CHGB: variants seen among roughly 807,000 people sequenced by gnomAD.
CHGB encodes chromogranin B.
Under a neutral mutation model 69.9 loss-of-function variants are expected in CHGB, and 46 were observed. The observed-to-expected ratio is 0.66, with a 90% CI of 0.52 to 0.84. CHGB has a LOEUF of 0.84. Among genes scored for constraint, CHGB ranks in the 40% least tolerant of loss-of-function variants. The pLI is 0.00. For synonymous variants in CHGB, 312 were observed against 298.2 expected, an observed-to-expected ratio of 1.05 and a Z score of -0.48; for missense variants, 796 against 822.2, an observed-to-expected ratio of 0.97 and a Z score of 0.39.
chr20:5,917,980 C>CAAAAAA (rs34483659), intron 3 of CHGB: 1 of 114,260 alleles, frequency 8.8e-6, no homozygotes, highest in African/African-American at 3.2e-5. Flanking sequence ...ACTAAAAATA[C>CAAAAAA]AAAAAAAAAA....
chr20:5,916,410 T>A, intron 2 of CHGB, 38 bp downstream of exon 2: 1 of 1,531,518 alleles, frequency 6.5e-7, no homozygotes, highest in Non-Finnish European at 9.0e-7. Context: ...TAGACTTGTG[T>A]CTAGACTCTA....
chr20:5,914,792 G>A (rs1180576786), intron 1 of CHGB: 1 of 152,204 alleles, frequency 6.6e-6, no homozygotes, highest in Non-Finnish European at 1.5e-5. Flanking sequence ...GGAACTTGGG[G>A]TCTTCATAGC....
At chr20:5,917,836 ACC>A (rs1481693004) in intron 3 of CHGB, 1 of 147,750 alleles carries the variant, frequency 6.8e-6, no homozygotes, top group African/African-American at 2.7e-5. Context: ...TTATTTTTTC[ACC>A]TTTAAAAATC....
In CHGB at chr20:5,923,031, G is replaced by C. The variant is rs267606032; in HGVS notation, c.887G>C (p.Gly296Ala). 6.2e-7 allele frequency: 1 copy of C among 1,613,340 alleles called. No homozygotes were observed. The change falls in exon 4 of 5, where the codon GGA (glycine) becomes GCA (alanine). Residue 296 changes from glycine (G) to alanine (A), a missense_variant. Physicochemically the swap from Gly to Ala is moderately conservative, Grantham distance 60 (BLOSUM62 0). This residue lies in a region of CHGB where 518 missense variants were observed against 506.3 expected (regional missense o/e 1.02). Coordinates refer to ENST00000378961, the MANE Select transcript of CHGB (RefSeq NM_001819.3). Reference sequence around the variant, plus strand: ...AGCAGGCCCGACAGGTCCTCTCAAGGAGGGAGTCTTCCCTCTGAGGAAAAG... The same window carrying C: ...AGCAGGCCCGACAGGTCCTCTCAAGCAGGGAGTCTTCCCTCTGAGGAAAAG... ...GRSRPDRSSQ[G>A]GSLPSEEKGH...
rs527981035 is a variant in CHGB, at chr20:5,915,906, G to C, written c.50-420G>C. ...TTTTTTGTAGTTTTAGTAGAGACAG[G>C]GTTTTGTCATGTTAGCCAGGTTGGT... On this transcript the variant is annotated intron_variant, in intron 1 of 4. Transcript: ENST00000378961. 22 of 154,152 alleles carry C rather than the reference G, an allele frequency of 1.4e-4. No individual in the cohort carries two copies. In the South Asian group the frequency reaches 4.2e-3, roughly 30 times the overall value. 9.5% of individuals were successfully genotyped at this position (154,152 alleles called of 1,614,324 possible). A position where few individuals can be genotyped will look rare whatever the true frequency, so the allele number is the denominator to read the frequency against.
rs753606170 is a variant in CHGB, at chr20:5,922,636, T to TGAG, written c.506_508dup (p.Glu169dup). The TGAG allele has an allele frequency of 2.5e-6, 4 of 1,612,640 alleles. No homozygotes were observed. The highest frequency in any genetic ancestry group is 2.2e-5 in the East Asian group (1 of 44,812). On this transcript the variant is annotated inframe_insertion, in exon 4 of 5. Transcript: ENST00000378961. ...ATTCTGAGAAGAGCCAGAGAGAGGA[T>TGAG]GAGGAGGAGGAGGAGGGAGAGAACT...
At position 5,923,636 on chromosome 20, in the gene CHGB, G is replaced by C; in HGVS notation, c.1492G>C (p.Glu498Gln). Residue 498 changes from glutamate (E) to glutamine (Q), a missense_variant, in exon 4 of 5, where the codon GAA becomes CAA. Transcript: ENST00000378961. The stretch of plus-strand genomic sequence containing the variant: ...GCAGGACACTAAAGAAAACAGGGAG[G>C]AAGCTAGGTTTCAAGATAAACAATA... ...DLQDTKENRE[E>Q]ARFQDKQYSS... 3 of 1,613,950 alleles carry C rather than the reference G, an allele frequency of 1.9e-6. No homozygotes were observed. The highest frequency in any genetic ancestry group is 2.5e-6 in the Non-Finnish European group (3 of 1,179,888).
chr20:5,916,536 C>T (rs1220470513), intron 2 of CHGB, among the ~76,000 whole-genome samples, 164 bp downstream of exon 2: 1 of 152,204 alleles, frequency 6.6e-6, no homozygotes, highest in Non-Finnish European at 1.5e-5. Flanking sequence ...CACTGAGCTC[C>T]TATGTCCTGT....
In CHGB at chr20:5,923,088, A is replaced by G; in HGVS notation, c.944A>G (p.Asn315Ser). The G allele has an allele frequency of 6.2e-7, 1 of 1,614,078 alleles. No homozygotes were observed. Residue 315 changes from asparagine to serine, a missense_variant, in exon 4 of 5, where the codon AAC (asparagine) becomes AGC (serine). Physicochemically the swap from Asn to Ser is conservative, Grantham distance 46. Coordinates refer to ENST00000378961, the MANE Select transcript of CHGB (RefSeq NM_001819.3). ...GHPQEESEES[N>S]VSMASLGEKR... ...CCCCAGGAGGAATCTGAGGAGTCAA[A>G]CGTCAGCATGGCCAGTTTAGGGGAA...
At chr20:5,924,216 T>C in intron 4 of CHGB, 116 bp downstream of exon 4, 1 of 1,414,118 alleles carries the variant, frequency 7.1e-7, no homozygotes, top group Non-Finnish European at 9.3e-7. Flanking sequence ...ACTATGAAAA[T>C]GGTGCTCTAG....
chr20:5,911,793 G>A, intron 1 of CHGB, 111 bp downstream of exon 1: 1 of 1,047,200 alleles, frequency 9.5e-7, no homozygotes, highest in Non-Finnish European at 1.3e-6. Context: ...GGGTTGAGGG[G>A]AAGGTTTACC....
At position 5,922,963 on chromosome 20, in the gene CHGB, G is replaced by C. The variant is rs1381527582; in HGVS notation, c.819G>C (p.Glu273Asp). Residue 273 changes from glutamate (E) to aspartate (D), a missense_variant, in exon 4 of 5, where the codon GAG (glutamate) becomes GAC (aspartate). Glu to Asp is a conservative substitution (Grantham distance 45, BLOSUM62 2). Coordinates refer to ENST00000378961, the MANE Select transcript of CHGB (RefSeq NM_001819.3). ...SEEGEEDATS[E>D]VDKRRTRPRH... ...AAGGTGAGGAAGATGCCACCTCTGA[G>C]GTGGACAAACGACGCACGAGGCCCA... 4.3e-6 allele frequency: 7 copies of C among 1,610,716 alleles called. No homozygotes were observed. Among genetic ancestry groups the C allele is most frequent in the Non-Finnish European group, 5.9e-6 (7 of 1,178,418 alleles).
intron 4 of CHGB, among the ~76,000 whole-genome samples, chr20:5,924,303 C>T (rs559855434): frequency 5.3e-5 from 8 of 152,176 alleles, no homozygotes; most frequent in Non-Finnish European, 8.8e-5. Context: ...CCACCTCACT[C>T]GGTTGCATTG....
At position 5,923,249 on chromosome 20, in the gene CHGB, G is replaced by T. The variant is rs2088527876; in HGVS notation, c.1105G>T (p.Glu369Ter). 1.2e-6 allele frequency: 2 copies of T among 1,613,590 alleles called. No individual in the cohort carries two copies. Among genetic ancestry groups the T allele is most frequent in the Non-Finnish European group, 1.7e-6 (2 of 1,179,836 alleles). ...GCGCTATAGGGGCAGAGGAAGTGAA[G>T]AATACAGGGCTCCAAGACCTCAGAG... is the stretch of plus-strand genomic sequence containing the variant. ...WERYRGRGSE[E>*]YRAPRPQSEE... is the part of the protein sequence containing the mutation. Residue 369 changes from glutamate (E) to a stop codon, truncating the protein, a stop_gained, in exon 4 of 5, where the codon GAA (glutamate) becomes TAA (stop). Coordinates refer to ENST00000378961, the MANE Select transcript of CHGB (RefSeq NM_001819.3). LOFTEE classifies it high-confidence loss of function.
chr20:5,912,571 G>A (rs545099343), intron 1 of CHGB, among the ~76,000 whole-genome samples: 1 of 152,112 alleles, frequency 6.6e-6, no homozygotes, highest in Admixed American at 6.6e-5. Flanking sequence ...AGGGAAGATT[G>A]TAGGATTAAT....
At chr20:5,924,684 G>A (rs956601361) in intron 4 of CHGB, among the ~76,000 whole-genome samples, 1 of 152,164 alleles carries the variant, frequency 6.6e-6, no homozygotes, top group Admixed American at 6.5e-5. Context: ...TATTGATTAT[G>A]TAGGTTGGTG....
chr20:5,922,997 C>T lies in CHGB; in HGVS notation c.853C>T (p.His285Tyr), dbSNP rs1841048655. ...DKRRTRPRHH[H>Y]GRSRPDRSSQ... ...ACGACGCACGAGGCCCAGACACCAC[C>T]ACGGGAGGAGCAGGCCCGACAGGTC... Residue 285 changes from histidine (H) to tyrosine (Y), a missense_variant, in exon 4 of 5, where the codon CAC (histidine) becomes TAC (tyrosine). Transcript: ENST00000378961. 6.2e-7 allele frequency: 1 copy of T among 1,610,576 alleles called. No individual in the cohort carries two copies. The highest frequency in any genetic ancestry group is 1.7e-5 in the Admixed American group (1 of 59,306).
chr20:5,917,102 C>T, intron 3 of CHGB, 183 bp downstream of exon 3: 2 of 625,760 alleles, frequency 3.2e-6, no homozygotes, highest in South Asian at 1.9e-5. Context: ...TGCTTTACCA[C>T]TTCGCAGCTG....
At chr20:5,924,350 G>A (rs1355637980) in intron 4 of CHGB, among the ~76,000 whole-genome samples, 2 of 152,186 alleles carry the variant, frequency 1.3e-5, no homozygotes, top group East Asian at 3.9e-4. Context: ...GTCACCTGGA[G>A]AGCGTGAAAA....
Sources: allele counts gnomAD v4.1 joint callset (sites outside exome capture counted in the v4.1 genomes callset), GRCh38; gene constraint gnomAD v4.1.1; regional missense constraint gnomAD v4.1.1; transcripts MANE v1.5; gene names NCBI Gene and HGNC (gene_info 2026-07-23, HGNC 2026-07-21).